Variants in SLC44A2 observed in about 807,000 individuals in gnomAD.
SLC44A2 encodes the protein solute carrier family 44 member 2 (CTL2 blood group), also known as choline transporter-like protein 2.
In SLC44A2, 57 loss-of-function variants were observed where a neutral mutation model predicts 90.8. The observed-to-expected ratio is 0.63, with a 90% CI of 0.51 to 0.78. SLC44A2 has a LOEUF of 0.78. SLC44A2 is among the 30% of genes least tolerant of loss of function. The pLI is 0.00. For missense variants in SLC44A2, 794 were observed against 919.7 expected (o/e 0.86, Z 1.77); for synonymous variants, 355 against 360.7 (o/e 0.98, Z 0.18).
chr19:10,629,099 G>A (rs1037148350), intron 4 of SLC44A2, among the ~76,000 whole-genome samples: 1 of 150,918 alleles, frequency 6.6e-6, no homozygotes, highest in Non-Finnish European at 1.5e-5. Context: ...GGTTACTCAG[G>A]AGGCTGAGGC....
intron 10 of SLC44A2, 25 bp from the exon 11 acceptor site, chr19:10,634,731 C>G (rs769652365): frequency 6.2e-7 from 1 of 1,614,070 alleles, no homozygotes; most frequent in East Asian, 2.2e-5. Flanking sequence ...CACTGCTGGA[C>G]TGAGCTTGTG....
At chr19:10,611,520 C>T in intron 1 of SLC44A2, among the ~76,000 whole-genome samples, 1 of 144,998 alleles carries the variant, frequency 6.9e-6, no homozygotes, top group East Asian at 1.9e-4. Flanking sequence ...GTAATCCCAG[C>T]TGTTTGTGAG....
intron 20 of SLC44A2, among the ~76,000 whole-genome samples, chr19:10,640,101 TTTTTTC>T (rs1224369526): frequency 1.2e-4 from 11 of 90,038 alleles, no homozygotes; most frequent in Non-Finnish European, 1.7e-4. Context: ...TTTTTTTTTT[TTTTTTC>T]TGCGATAGAG....
intron 1 of SLC44A2, among the ~76,000 whole-genome samples, chr19:10,609,199 G>T (rs1251502360): frequency 6.6e-6 from 1 of 151,908 alleles, no homozygotes; most frequent in Admixed American, 6.6e-5. Flanking sequence ...CTTGTGATCT[G>T]CCCACCTTGG....
At chr19:10,614,587 G>A (rs1381180426) in intron 1 of SLC44A2, among the ~76,000 whole-genome samples, 2 of 152,142 alleles carry the variant, frequency 1.3e-5, no homozygotes, top group Non-Finnish European at 2.9e-5. Flanking sequence ...GCCTACTGTT[G>A]ACTCTTAGCC....
chr19:10,615,753 A>T lies in SLC44A2; in HGVS notation c.32-10500A>T, dbSNP rs539702771. On this transcript the variant is annotated intron_variant, in intron 1 of 21. Coordinates refer to the SLC44A2 transcript ENST00000407327. ...TTAACTGTCCAAACATTGACTTGGG[A>T]GCTGGACAGCTTGGGTCTGCTGATT... Among the ~76,000 whole-genome samples, 10 of 152,266 alleles carry T rather than the reference A, an allele frequency of 6.6e-5. No individual in the cohort carries two copies. The South Asian group carries it at 1.9e-3, about 28-fold the overall frequency.
Position 10,644,461 on chromosome 19 carries a change from G to A in SLC44A2, c.*1076G>A, listed in dbSNP as rs537361457. ...CAGGGGAAAGAGGGGGGGGTCTCCCGTTTCCTGTGCCTGCACCAGCCCTGC... is the reference window on the plus strand; with the variant it reads ...CAGGGGAAAGAGGGGGGGGTCTCCCATTTCCTGTGCCTGCACCAGCCCTGC... On this transcript the variant is annotated 3_prime_UTR_variant, in exon 22 of 22. Coordinates refer to ENST00000335757, the MANE Select transcript of SLC44A2 (RefSeq NM_020428.4). 1.0e-4 allele frequency: 16 copies of A among 153,332 alleles called. No individual in the cohort carries two copies. Among genetic ancestry groups the A allele is most frequent in the Middle Eastern group, 6.7e-3 (2 of 300 alleles). The allele number at this position is 153,332 out of a possible 1,614,324, so 9.5% of individuals were successfully genotyped here.
rs78300465 is a variant in SLC44A2 at position 10,636,474 on chromosome 19, C to T, written c.1385C>T (p.Ala462Val). ...MFFWLANFVL[A>V]LGQVTLAGAF... is the part of the protein sequence containing the mutation. ...TTCTGGTTGGCCAACTTCGTGCTGG[C>T]GCTGGGCCAGGTCACGCTGGCCGGG... is the stretch of plus-strand genomic sequence containing the variant. Residue 462 changes from alanine (A) to valine (V), a missense_variant, in exon 15 of 22, where the codon GCG (alanine) becomes GTG (valine). Physicochemically the swap from Ala to Val is moderately conservative, Grantham distance 64. Transcript: ENST00000335757. 5.9e-5 allele frequency: 95 copies of T among 1,613,640 alleles called. No homozygotes were observed. The African/African-American group carries it at 7.9e-4, about 13-fold the overall frequency.
Position 10,637,626 on chromosome 19 carries a change from C to T in SLC44A2, c.1592-18C>T. On this transcript the variant is annotated intron_variant, in intron 16 of 21. Coordinates refer to ENST00000335757, the MANE Select transcript of SLC44A2 (RefSeq NM_020428.4). ...GCTGGTGTCCCCTCACTTCCACATC[C>T]CTTCCCTTCTCTTCCAGCTGCAGAG... is the stretch of plus-strand genomic sequence containing the variant. 1.2e-6 allele frequency: 2 copies of T among 1,610,736 alleles called. No homozygotes were observed. The highest frequency in any genetic ancestry group is 1.7e-6 in the Non-Finnish European group (2 of 1,177,144).
chr19:10,635,159 C>T lies in SLC44A2; in HGVS notation c.1056-4C>T, dbSNP rs761990091. The T allele has an allele frequency of 1.2e-6, 2 of 1,613,998 alleles. No individual in the cohort carries two copies. Among genetic ancestry groups the T allele is most frequent in the Non-Finnish European group, 8.5e-7 (1 of 1,180,018 alleles). The stretch of plus-strand genomic sequence containing the variant: ...CTGACGCCTGTGTCTCTGCTCTTCC[C>T]TAGGGCTGTGGGATACGTCATGTGC... On this transcript the variant is annotated splice_region_variant and splice_polypyrimidine_tract_variant and intron_variant, in intron 12 of 21. Transcript: ENST00000335757.
intron 1 of SLC44A2, among the ~76,000 whole-genome samples, chr19:10,612,995 G>T (rs908186022): frequency 6.6e-6 from 1 of 152,168 alleles, no homozygotes; most frequent in Non-Finnish European, 1.5e-5. Context: ...TGTGCCCGTC[G>T]TGAAATGGGA....
At chr19:10,636,607 G>C (rs962713439) in intron 15 of SLC44A2, 22 bp downstream of exon 15, 3 of 1,605,370 alleles carry the variant, frequency 1.9e-6, no homozygotes, top group Non-Finnish European at 2.5e-6. Context: ...TTGCAGGCAG[G>C]ATGGGGTGGA....
intron 9 of SLC44A2, 21 bp from the exon 10 acceptor site, chr19:10,632,023 T>G (rs1033459239): frequency 6.2e-7 from 1 of 1,614,042 alleles, no homozygotes; most frequent in Non-Finnish European, 8.5e-7. Flanking sequence ...AGTCTGTTCA[T>G]GACCGTTTTC....
chr19:10,625,208 C>T (rs2066920428), upstream of SLC44A2: 1 of 182,448 alleles, frequency 5.5e-6, no homozygotes, highest in Admixed American at 6.2e-5. Context: ...ACCAACATTC[C>T]ACAGTTGGTT....
At chr19:10,637,430 G>A in intron 16 of SLC44A2, 1 of 571,234 alleles carries the variant, frequency 1.8e-6, no homozygotes, top group South Asian at 2.1e-5. Flanking sequence ...TTGTTTTAGA[G>A]ACAGGATCTC....
intron 14 of SLC44A2, 77 bp from the exon 15 acceptor site, chr19:10,636,246 C>T: frequency 6.6e-7 from 1 of 1,521,556 alleles, no homozygotes; most frequent in South Asian, 1.2e-5. Flanking sequence ...TTTTCCTGGC[C>T]CCACACCTGA....
chr19:10,607,750 A>ATTT (rs1322222585), intron 1 of SLC44A2, among the ~76,000 whole-genome samples: 1 of 88,470 alleles, frequency 1.1e-5, no homozygotes, highest in Admixed American at 1.1e-4. Flanking sequence ...TATTATTATT[A>ATTT]TTTTTTTTTT....
At chr19:10,619,751 C>T (rs1197196448) in intron 1 of SLC44A2, among the ~76,000 whole-genome samples, 6 of 152,206 alleles carry the variant, frequency 3.9e-5, no homozygotes, top group East Asian at 1.9e-4. Context: ...CTCAGGAGTT[C>T]GCGACTAGCC....
chr19:10,618,220 G>C (rs1218240802), intron 1 of SLC44A2, among the ~76,000 whole-genome samples: 1 of 144,460 alleles, frequency 6.9e-6, no homozygotes, highest in East Asian at 2.1e-4. Context: ...TGTTGCCCAG[G>C]CTGGAGTGCA....
Sources: allele counts gnomAD v4.1 joint callset (sites outside exome capture counted in the v4.1 genomes callset), GRCh38; gene constraint gnomAD v4.1.1; transcripts MANE v1.5; gene names NCBI Gene and HGNC (gene_info 2026-07-23, HGNC 2026-07-21).